BIN1: variants seen among roughly 807,000 people sequenced by gnomAD.
BIN1 encodes bridging integrator 1, also known as myc box-dependent-interacting protein 1.
In BIN1, 53 loss-of-function variants were observed where a neutral mutation model predicts 82.0. The observed-to-expected ratio is 0.65, with a 90% CI of 0.52 to 0.81. The LOEUF (loss-of-function observed/expected upper bound fraction) is 0.81, where lower values mean the gene tolerates loss of function less well. BIN1 is among the 40% of genes least tolerant of loss of function. BIN1 has a pLI of 0.00. For synonymous variants in BIN1, 302 were observed against 328.0 expected, an observed-to-expected ratio of 0.92 and a Z score of 0.86; for missense variants, 642 against 784.4, an observed-to-expected ratio of 0.82 and a Z score of 2.17.
intron 12 of BIN1, chr2:127,054,265 G>A (rs1216778821): frequency 1.7e-5 from 9 of 536,868 alleles, no homozygotes; most frequent in Non-Finnish European, 2.7e-5. Flanking sequence ...CCAGGAGGAC[G>A]ACCCCAGTGC....
In BIN1 at chr2:127,057,478, AG is replaced by A; in HGVS notation, c.1125del (p.Ser376ProfsTer26). On this transcript the variant is annotated frameshift_variant, in exon 12 of 19. Coordinates refer to ENST00000316724, the MANE Select transcript of BIN1 (RefSeq NM_139343.3). LOFTEE classifies it high-confidence loss of function. The surrounding 1 kb of genome is among the most constrained non-coding windows in gnomAD (Gnocchi z 5.0). ...TFVPEISVTTPSQFEAPGPFS... is the reference protein window; with the variant it reads ...TFVPEISVTTXSQFEAPGPFS... ...CCGCGGCGGCCGCGGCTGACCTGGG[AG>A]GGGGTGGTCACGCTGATCTCAGGGA... The A allele has an allele frequency of 1.3e-6, 2 of 1,546,392 alleles. No individual in the cohort carries two copies. Among genetic ancestry groups the A allele is most frequent in the Non-Finnish European group, 1.7e-6 (2 of 1,144,028 alleles).
chr2:127,071,689 G>C (rs1471593269), intron 2 of BIN1, among the ~76,000 whole-genome samples: 1 of 152,210 alleles, frequency 6.6e-6, no homozygotes, highest in Non-Finnish European at 1.5e-5. Flanking sequence ...GTGAGCTGCA[G>C]AAGTTTCCAG....
At chr2:127,056,451 G>A (rs1161131124) in intron 12 of BIN1, 1 of 152,298 alleles carries the variant, frequency 6.6e-6, no homozygotes, top group East Asian at 1.9e-4. Flanking sequence ...AGGGGCTTGA[G>A]GCCCACCATC....
intron 2 of BIN1, among the ~76,000 whole-genome samples, chr2:127,075,766 C>T (rs1229789829): frequency 8.0e-6 from 1 of 125,764 alleles, no homozygotes; most frequent in East Asian, 2.3e-4. Context: ...CCCCCCACCA[C>T]CCTCTCCCAG....
Position 127,050,318 on chromosome 2 carries a change from G to A in BIN1, c.1674+103C>T, listed in dbSNP as rs1029481097. 72 of 1,259,688 alleles carry A rather than the reference G, an allele frequency of 5.7e-5. No homozygotes were observed. The African/African-American group carries it at 1.0e-3, about 17-fold the overall frequency. The allele number at this position is 1,259,688 out of a possible 1,614,324, so 78.0% of individuals were successfully genotyped here. ...GGCGCGGGAGCCCTGGTGCTCGCGG[G>A]CCTCTGCTGCCCCCTGCTGGCCTGT... is the stretch of plus-strand genomic sequence containing the variant. On this transcript the variant is annotated intron_variant, in intron 18 of 18. Transcript: ENST00000316724.
intron 1 of BIN1, among the ~76,000 whole-genome samples, chr2:127,085,154 A>G (rs1406313029): frequency 6.6e-6 from 1 of 152,140 alleles, no homozygotes; most frequent in Admixed American, 6.5e-5. Context: ...TGGGAAAGCT[A>G]CGGGCAGCTG....
chr2:127,063,813 C>T (rs111386764), intron 8 of BIN1, 120 bp downstream of exon 8: 16 of 1,439,826 alleles, frequency 1.1e-5, no homozygotes, highest in South Asian at 4.6e-5. Context: ...GGCTGGGCAC[C>T]GCAGCACGCA....
rs115729191 is a variant in BIN1, at chr2:127,091,438, G to A, written c.85-14732C>T. On this transcript the variant is annotated intron_variant, in intron 1 of 18. Transcript: ENST00000316724. ...CAGAAACAAAAGCCAAGGCTGGCAG[G>A]TTCTGAGTCCCAGAGAAGAGGAGAA... 2.3e-3 allele frequency among the ~76,000 whole-genome samples: 357 copies of A among 152,378 alleles called. 3 individuals are homozygous for A. The highest frequency in any genetic ancestry group is 8.3e-3 in the African/African-American group (345 of 41,586).
At chr2:127,086,511 C>CTT (rs34507663) in intron 1 of BIN1, among the ~76,000 whole-genome samples, 1 of 142,352 alleles carries the variant, frequency 7.0e-6, no homozygotes, top group Non-Finnish European at 1.5e-5. Context: ...ATCTTTTTTT[C>CTT]TTTTTTTTTT....
At chr2:127,079,443 G>A (rs1449955222) in intron 1 of BIN1, among the ~76,000 whole-genome samples, 1 of 152,206 alleles carries the variant, frequency 6.6e-6, no homozygotes, top group Non-Finnish European at 1.5e-5. Context: ...GGGCCTGACT[G>A]ACACCGCCAG....
intron 12 of BIN1, chr2:127,055,103 GC>G (rs1353605726): frequency 6.6e-6 from 1 of 152,228 alleles, no homozygotes; most frequent in African/African-American, 2.4e-5. Flanking sequence ...AAGAACTCCA[GC>G]CCCGCAGCCC....
intron 2 of BIN1, among the ~76,000 whole-genome samples, chr2:127,073,634 C>T (rs1160420750): frequency 6.6e-6 from 1 of 152,208 alleles, no homozygotes; most frequent in Non-Finnish European, 1.5e-5. Context: ...CCCTCTGGCA[C>T]CCCTCAGCCA....
intron 1 of BIN1, among the ~76,000 whole-genome samples, chr2:127,085,920 C>A (rs1052525940): frequency 6.6e-6 from 1 of 152,202 alleles, no homozygotes; most frequent in African/African-American, 2.4e-5. Flanking sequence ...GCCAGCTCAG[C>A]TCTCACTTCA....
intron 1 of BIN1, among the ~76,000 whole-genome samples, chr2:127,102,109 A>G (rs955262548): frequency 4.6e-5 from 7 of 152,186 alleles, no homozygotes; most frequent in African/African-American, 2.4e-5. Context: ...ATGAAGAAAC[A>G]GGGCTCAGGA....
At position 127,090,314 on chromosome 2, in the gene BIN1, G is replaced by C. The variant is rs1678756423; in HGVS notation, c.85-13608C>G. 6.6e-6 allele frequency among the ~76,000 whole-genome samples: 1 copy of C among 152,240 alleles called. No homozygotes were observed. Among genetic ancestry groups the C allele is most frequent in the African/African-American group, 2.4e-5 (1 of 41,462 alleles). On this transcript the variant is annotated intron_variant, in intron 1 of 18. Coordinates refer to ENST00000316724, the MANE Select transcript of BIN1 (RefSeq NM_139343.3). The surrounding 1 kb of genome is among the most constrained non-coding windows in gnomAD (Gnocchi z 6.4). ...CCGCTGTGGCCACATGAGGAGCCCTGATGGGCCTTGCTACTACTCCACATC... is the reference window on the plus strand; with the variant it reads ...CCGCTGTGGCCACATGAGGAGCCCTCATGGGCCTTGCTACTACTCCACATC...
chr2:127,061,178 T>C lies in BIN1; in HGVS notation c.857+937A>G, dbSNP rs560433326. On this transcript the variant is annotated intron_variant, in intron 10 of 18. Coordinates refer to ENST00000316724, the MANE Select transcript of BIN1 (RefSeq NM_139343.3). ...CCTGCCCGACCTTGAATTCACCTTTTGGCCTTTATTCCACAACCCCCACCC... is the reference window on the plus strand; with the variant it reads ...CCTGCCCGACCTTGAATTCACCTTTCGGCCTTTATTCCACAACCCCCACCC... Among the ~76,000 whole-genome samples the C allele has an allele frequency of 9.9e-5, 15 of 151,712 alleles. No individual in the cohort carries two copies. In the East Asian group the frequency reaches 2.9e-3, roughly 30 times the overall value.
At chr2:127,104,502 G>A (rs559792926) in intron 1 of BIN1, among the ~76,000 whole-genome samples, 5 of 152,128 alleles carry the variant, frequency 3.3e-5, no homozygotes, top group Admixed American at 2.0e-4. Context: ...ACGCCAGGAC[G>A]CCAGGACTCT....
chr2:127,104,025 T>C (rs1573832987), intron 1 of BIN1, among the ~76,000 whole-genome samples: 1 of 152,156 alleles, frequency 6.6e-6, no homozygotes. Context: ...CCACAGGCCA[T>C]GGGACCTTCA....
intron 1 of BIN1, among the ~76,000 whole-genome samples, chr2:127,078,809 A>G (rs1686943975): frequency 6.6e-6 from 1 of 152,122 alleles, no homozygotes; most frequent in African/African-American, 2.4e-5. Flanking sequence ...GGCTCTGCAA[A>G]GAGCTTGGGT....
Sources: gnomAD v4.1 joint callset for allele counts (sites outside exome capture counted in the v4.1 genomes callset) on GRCh38, gnomAD v4.1.1 for gene constraint, Gnocchi (gnomAD v3.1) non-coding constraint, MANE v1.5 for transcripts, NCBI Gene and HGNC (gene_info 2026-07-23, HGNC 2026-07-21) for gene names.